SPMIP2: variants seen among roughly 807,000 people sequenced by gnomAD.
SPMIP2 encodes sperm microtubule inner protein 2, also known as protein SPMIP2.
the SPMIP2 span, among the ~76,000 whole-genome samples, chr4:158,957,788 A>G: frequency 1.3e-5 from 2 of 152,172 alleles, no homozygotes; most frequent in Non-Finnish European, 2.9e-5. Context: ...TCTGACCCTC[A>G]GTCCAGGTGG....
At chr4:158,929,311 C>A in the SPMIP2 span, among the ~76,000 whole-genome samples, 2 of 152,244 alleles carry the variant, frequency 1.3e-5, no homozygotes, top group South Asian at 2.1e-4. Flanking sequence ...AGCCAACATA[C>A]CCAGCACAAT....
chr4:159,082,479 G>C, the SPMIP2 span, among the ~76,000 whole-genome samples: 2 of 151,168 alleles, frequency 1.3e-5, no homozygotes, highest in Admixed American at 6.6e-5. Flanking sequence ...GTGTGTGTGT[G>C]TGTGTGTGTG....
At chr4:159,041,125 C>T in the SPMIP2 span, among the ~76,000 whole-genome samples, 4 of 152,162 alleles carry the variant, frequency 2.6e-5, no homozygotes, top group African/African-American at 9.7e-5. Context: ...GAATTTGCAA[C>T]ACCAGCTCAC....
the SPMIP2 span, among the ~76,000 whole-genome samples, chr4:159,001,616 A>G: frequency 1.3e-5 from 2 of 152,144 alleles, no homozygotes; most frequent in Non-Finnish European, 2.9e-5. Flanking sequence ...CTATTCCTGC[A>G]TTAGTTTGCT....
At chr4:158,979,789 G>GTTTTTTTTTTTTTTTTTTTTTTTTTTT in the SPMIP2 span, among the ~76,000 whole-genome samples, 1 of 104,512 alleles carries the variant, frequency 9.6e-6, no homozygotes. Context: ...AGTTGCAAGA[G>GTTTTTTTTTTTTTTTTTTTTTTTTTTT]TTTTTTTTTT....
chr4:158,978,243 T>A, the SPMIP2 span, among the ~76,000 whole-genome samples: 1 of 152,240 alleles, frequency 6.6e-6, no homozygotes, highest in Non-Finnish European at 1.5e-5. Context: ...GTGAGTTTCT[T>A]AATCCTGAGT....
the SPMIP2 span, among the ~76,000 whole-genome samples, chr4:158,896,821 A>T: frequency 6.9e-6 from 1 of 145,652 alleles, no homozygotes. Flanking sequence ...CCAGCCTCAT[A>T]CTTCAATCCT....
chr4:158,941,386 A>C, the SPMIP2 span, among the ~76,000 whole-genome samples: 8 of 152,202 alleles, frequency 5.3e-5, no homozygotes, highest in African/African-American at 1.9e-4. Context: ...TGTTCTCTGG[A>C]TATACCACAT....
the SPMIP2 span, among the ~76,000 whole-genome samples, chr4:159,054,762 C>T: frequency 6.6e-6 from 1 of 152,196 alleles, no homozygotes. Context: ...CTCTGTCCTC[C>T]ACCAGCTCAG....
At chr4:159,054,768 C>G in the SPMIP2 span, among the ~76,000 whole-genome samples, 13 of 152,228 alleles carry the variant, frequency 8.5e-5, no homozygotes, top group South Asian at 2.1e-4. Flanking sequence ...CCTCCACCAG[C>G]TCAGCTGCTC....
chr4:159,065,683 A>AC, the SPMIP2 span, among the ~76,000 whole-genome samples: 15 of 152,206 alleles, frequency 9.9e-5, no homozygotes, highest in Non-Finnish European at 2.2e-4. Context: ...AACAATGACA[A>AC]TGACTAAATT....
chr4:159,039,238 C>T, the SPMIP2 span, among the ~76,000 whole-genome samples: 6 of 151,952 alleles, frequency 3.9e-5, no homozygotes, highest in African/African-American at 7.2e-5. Flanking sequence ...CACACCTGGC[C>T]CTCTGAAAGG....
At chr4:159,014,105 T>A in the SPMIP2 span, among the ~76,000 whole-genome samples, 13 of 152,132 alleles carry the variant, frequency 8.5e-5, no homozygotes, top group Non-Finnish European at 1.8e-4. Context: ...TTCTGTTATG[T>A]TTATAAAAGA....
At chr4:159,025,084 G>A in the SPMIP2 span, among the ~76,000 whole-genome samples, 2 of 152,306 alleles carry the variant, frequency 1.3e-5, no homozygotes, top group Admixed American at 1.3e-4. Context: ...GTAAGTGGTG[G>A]AGCCAGAATA....
the SPMIP2 span, among the ~76,000 whole-genome samples, chr4:158,967,386 T>C: frequency 2.0e-5 from 3 of 152,226 alleles, no homozygotes; most frequent in Non-Finnish European, 4.4e-5. Flanking sequence ...TATAACTTTA[T>C]ACCAGCCCTT....
At chr4:159,074,182 T>C in the SPMIP2 span, among the ~76,000 whole-genome samples, 2 of 152,200 alleles carry the variant, frequency 1.3e-5, no homozygotes, top group Non-Finnish European at 2.9e-5. Context: ...TATCAATTTA[T>C]ACTTTTTACC....
the SPMIP2 span, among the ~76,000 whole-genome samples, chr4:159,021,566 G>A: frequency 6.6e-6 from 1 of 152,210 alleles, no homozygotes; most frequent in South Asian, 2.1e-4. Context: ...ATCCATACAT[G>A]TGGACAATAA....
At chr4:159,036,966 C>T in the SPMIP2 span, among the ~76,000 whole-genome samples, 811 of 152,284 alleles carry the variant, frequency 5.3e-3, 4 homozygotes, top group Middle Eastern at 0.017. Flanking sequence ...CAACTTTGAA[C>T]ATTCCTAGAA....
At chr4:159,064,592 G>A in the SPMIP2 span, among the ~76,000 whole-genome samples, 3 of 152,142 alleles carry the variant, frequency 2.0e-5, no homozygotes, top group Admixed American at 2.0e-4. Flanking sequence ...AAGCATCACC[G>A]TATTTCATGT....
Sources: allele counts gnomAD v4.1 joint callset (sites outside exome capture counted in the v4.1 genomes callset), GRCh38; gene constraint gnomAD v4.1.1; transcripts MANE v1.5; gene names NCBI Gene and HGNC (gene_info 2026-07-23, HGNC 2026-07-21).